Variants in RNF115 observed in about 807,000 individuals in gnomAD.
RNF115 encodes the protein ring finger protein 115.
In RNF115, 31 loss-of-function variants were observed where a neutral mutation model predicts 39.2. The observed-to-expected ratio is 0.79, with a 90% CI of 0.59 to 1.07. RNF115 has a LOEUF of 1.07. Ranked by LOEUF, RNF115 falls within the 50% of genes least tolerant of loss-of-function variation. RNF115 has a pLI of 0.00. For missense variants in RNF115, 384 were observed against 381.7 expected (o/e 1.01, Z -0.05); for synonymous variants, 124 against 131.0 (o/e 0.95, Z 0.37).
chr1:145,795,420 G>C (rs1043865821), intron 1 of RNF115, among the ~76,000 whole-genome samples: 6 of 152,058 alleles, frequency 3.9e-5, no homozygotes, highest in African/African-American at 1.4e-4. Context: ...CCCCGCCCAC[G>C]TCCTGCTTGA....
rs145144403 is a variant in RNF115 at position 145,763,004 on chromosome 1, A to T, written c.428+8707T>A. ...GAATAATAAACACTGGAGATCACAA[A>T]AGGGAGAGGGAGGGAGAAGGGCAAA... On this transcript the variant is annotated intron_variant, in intron 4 of 8. Coordinates refer to ENST00000582693, the MANE Select transcript of RNF115 (RefSeq NM_014455.4). Among the ~76,000 whole-genome samples, 31 of 152,234 alleles carry T rather than the reference A, an allele frequency of 2.0e-4. No homozygotes were observed. The East Asian group carries it at 5.8e-3, about 28-fold the overall frequency.
At chr1:145,773,022 C>T (rs919718414) in intron 3 of RNF115, 6 of 152,144 alleles carry the variant, frequency 3.9e-5, no homozygotes, top group Admixed American at 6.5e-5. Context: ...ATTATTGTAA[C>T]CTTCAGCTCC....
chr1:145,793,726 AG>A (rs1194413983), intron 1 of RNF115, among the ~76,000 whole-genome samples: 4 of 152,010 alleles, frequency 2.6e-5, no homozygotes, highest in African/African-American at 9.7e-5. Flanking sequence ...CCCACCACTA[AG>A]TCCTGGTACT....
chr1:145,744,758 G>A lies in RNF115; in HGVS notation c.*2108C>T, dbSNP rs1247491169. 10 of 152,178 alleles carry A rather than the reference G, an allele frequency of 6.6e-5. No homozygotes were observed. The highest frequency in any genetic ancestry group is 2.2e-4 in the African/African-American group (9 of 41,436). 9.4% of individuals were successfully genotyped at this position (152,178 alleles called of 1,614,324 possible). ...TCATTGTTGTGTGACAATACAAATG[G>A]TGCCCCTCTGTACCTTTTTTTGGTA... On this transcript the variant is annotated 3_prime_UTR_variant, in exon 9 of 9. Transcript: ENST00000582693.
chr1:145,804,016 T>C (rs782116624), intron 1 of RNF115, among the ~76,000 whole-genome samples: 8 of 152,224 alleles, frequency 5.3e-5, no homozygotes, highest in Non-Finnish European at 1.0e-4. Flanking sequence ...GTGGCATAAA[T>C]ATAAAATGAT....
Position 145,743,874 on chromosome 1 carries a change from T to C in RNF115, c.*2992A>G, listed in dbSNP as rs1213661480. The stretch of plus-strand genomic sequence containing the variant: ...CCTAACTCCTCAACATAAATTAACC[T>C]GGACATCTGAGGTGCCTGCCATTAT... On this transcript the variant is annotated 3_prime_UTR_variant, in exon 9 of 9. Transcript: ENST00000582693. 2.6e-5 allele frequency: 4 copies of C among 151,762 alleles called. No homozygotes were observed. The highest frequency in any genetic ancestry group is 6.6e-5 in the Admixed American group (1 of 15,224). The allele number at this position is 151,762 out of a possible 1,614,324, so 9.4% of individuals were successfully genotyped here. A position where few individuals can be genotyped will look rare whatever the true frequency, so the allele number is the denominator to read the frequency against.
intron 3 of RNF115, chr1:145,773,962 T>C (rs1264655027): frequency 3.9e-5 from 6 of 152,268 alleles, no homozygotes; most frequent in African/African-American, 9.7e-5. Context: ...ACTGCAGCCA[T>C]ACCAGGAAGG....
intron 4 of RNF115, among the ~76,000 whole-genome samples, chr1:145,770,791 G>A (rs1474371634): frequency 3.9e-5 from 6 of 152,138 alleles, no homozygotes; most frequent in Non-Finnish European, 5.9e-5. Context: ...TAAAATTAAC[G>A]TTTATTATTC....
chr1:145,784,627 A>C, intron 2 of RNF115, 31 bp from the exon 3 acceptor site: 3 of 1,604,566 alleles, frequency 1.9e-6, no homozygotes, highest in Non-Finnish European at 2.6e-6. Context: ...TGGTGATTCT[A>C]TTCCCAGGAA....
At chr1:145,783,968 T>G (rs1553717791) in intron 3 of RNF115, among the ~76,000 whole-genome samples, 1 of 152,118 alleles carries the variant, frequency 6.6e-6, no homozygotes, top group Non-Finnish European at 1.5e-5. Flanking sequence ...TTAAGATTTG[T>G]TTTTCCCAAA....
At chr1:145,761,793 G>A (rs1461694396) in intron 4 of RNF115, among the ~76,000 whole-genome samples, 1 of 152,194 alleles carries the variant, frequency 6.6e-6, no homozygotes, top group Non-Finnish European at 1.5e-5. Flanking sequence ...CAGAATGGTA[G>A]ATCCACTGAC....
In RNF115 at chr1:145,739,949, T is replaced by C. The variant is rs1312823559; in HGVS notation, c.*6917A>G. On this transcript the variant is annotated 3_prime_UTR_variant, in exon 9 of 9. Coordinates refer to ENST00000582693, the MANE Select transcript of RNF115 (RefSeq NM_014455.4). ...AAGGGATATTGCCTATTGTATCTTC[T>C]CTTTCCACAGAATTGTTCTGAGAAT... The C allele has an allele frequency of 2.6e-5, 4 of 152,224 alleles. No individual in the cohort carries two copies. Among genetic ancestry groups the C allele is most frequent in the Non-Finnish European group, 5.9e-5 (4 of 68,040 alleles). 9.4% of individuals were successfully genotyped at this position (152,224 alleles called of 1,614,324 possible).
intron 1 of RNF115, among the ~76,000 whole-genome samples, chr1:145,816,421 C>T (rs1456201714): frequency 1.7e-5 from 1 of 57,674 alleles, no homozygotes; most frequent in African/African-American, 5.6e-5. Flanking sequence ...AACCCAAAGA[C>T]ACACAAAGCT....
chr1:145,812,433 G>A (rs1200701091), intron 1 of RNF115, among the ~76,000 whole-genome samples: 4 of 150,684 alleles, frequency 2.7e-5, no homozygotes, highest in South Asian at 2.1e-4. Context: ...CGAGGCAGGC[G>A]CATCACTTGC....
At chr1:145,780,869 G>A (rs1329311621) in intron 3 of RNF115, among the ~76,000 whole-genome samples, 2 of 152,032 alleles carry the variant, frequency 1.3e-5, no homozygotes, top group Non-Finnish European at 2.9e-5. Context: ...ATCCATTCAG[G>A]TAAGCTGAGA....
At chr1:145,779,447 A>G (rs1203694147) in intron 3 of RNF115, among the ~76,000 whole-genome samples, 1 of 152,128 alleles carries the variant, frequency 6.6e-6, no homozygotes, top group Non-Finnish European at 1.5e-5. Flanking sequence ...AAGTGCTAGG[A>G]TTACAGGCAT....
chr1:145,768,782 T>C (rs901565967), intron 4 of RNF115, among the ~76,000 whole-genome samples: 5 of 152,230 alleles, frequency 3.3e-5, no homozygotes, highest in African/African-American at 1.2e-4. Context: ...TTTTTAAAAA[T>C]GTATAAAACA....
intron 3 of RNF115, among the ~76,000 whole-genome samples, chr1:145,776,043 A>T (rs1302939994): frequency 1.4e-5 from 2 of 145,198 alleles, no homozygotes; most frequent in African/African-American, 5.2e-5. Context: ...AAAATATCTT[A>T]TTGTACTATA....
At chr1:145,781,169 C>G (rs879976472) in intron 3 of RNF115, among the ~76,000 whole-genome samples, 22 of 152,090 alleles carry the variant, frequency 1.4e-4, no homozygotes, top group Admixed American at 2.6e-4. Context: ...AAAAAAAAGT[C>G]AATACTGATT....
Sources: gnomAD v4.1 joint callset for allele counts (sites outside exome capture counted in the v4.1 genomes callset) on GRCh38, gnomAD v4.1.1 for gene constraint, MANE v1.5 for transcripts, NCBI Gene and HGNC (gene_info 2026-07-23, HGNC 2026-07-21) for gene names.